The following UEVLD variants were observed in gnomAD, a reference collection of about 807,000 sequenced individuals.
The protein encoded by UEVLD is ubiquitin-conjugating enzyme E2 variant 3.
In UEVLD, 47 loss-of-function variants were observed where a neutral mutation model predicts 58.6. That is an observed-to-expected ratio of 0.80 (90% CI 0.63 to 1.02). The LOEUF (loss-of-function observed/expected upper bound fraction) is 1.02. Ranked by LOEUF, UEVLD falls within the 50% of genes least tolerant of loss-of-function variation. UEVLD has a pLI of 0.00. For missense variants in UEVLD, 510 were observed against 550.6 expected (o/e 0.93, Z 0.74); for synonymous variants, 197 against 195.3 (o/e 1.01, Z -0.07).
At chr11:18,544,882 AGT>A in intron 8 of UEVLD, 86 bp from the exon 9 acceptor site, 3 of 1,040,032 alleles carry the variant, frequency 2.9e-6, no homozygotes, top group Non-Finnish European at 3.9e-6. Flanking sequence ...TATTTTAATA[AGT>A]ATATTAGGTC....
intron 8 of UEVLD, among the ~76,000 whole-genome samples, 199 bp from the exon 9 acceptor site, chr11:18,544,995 T>C (rs113381173): frequency 5.3e-5 from 5 of 94,930 alleles, no homozygotes; most frequent in Non-Finnish European, 8.8e-5. Context: ...CATACACACA[T>C]ATATATACAC....
intron 1 of UEVLD, among the ~76,000 whole-genome samples, chr11:18,581,968 C>T (rs942496417): frequency 2.6e-4 from 39 of 152,134 alleles, no homozygotes; most frequent in South Asian, 4.2e-4. Flanking sequence ...TTAACTATAA[C>T]AGACTTGTTT....
At chr11:18,543,166 C>T (rs1356351853) in intron 9 of UEVLD, among the ~76,000 whole-genome samples, 7 of 152,160 alleles carry the variant, frequency 4.6e-5, no homozygotes, top group Non-Finnish European at 1.0e-4. Context: ...GCTGGGACTA[C>T]AGGCGTGAGC....
chr11:18,544,794 C>T lies in UEVLD; in HGVS notation c.889G>A (p.Glu297Lys). 6.6e-7 allele frequency: 1 copy of T among 1,520,340 alleles called. No individual in the cohort carries two copies. The highest frequency in any genetic ancestry group is 8.7e-7 in the Non-Finnish European group (1 of 1,143,788). 94.2% of individuals were successfully genotyped at this position (1,520,340 alleles called of 1,614,324 possible). The change falls in exon 9 of 12, where the codon GAA becomes AAA. Residue 297 changes from glutamate to lysine, a missense_variant and splice_region_variant. By Grantham distance (56) the Glu-to-Lys change is moderately conservative. Coordinates refer to ENST00000396197, the MANE Select transcript of UEVLD (RefSeq NM_001040697.4). ...SVLLVASQPVEIMTYVTWKLS... is the reference protein window; with the variant it reads ...SVLLVASQPVKIMTYVTWKLS... ...TTCCATGTTACATAGGTCATGATTTCCACTAAATATTGCATACAAGGTAAA... is the reference window on the plus strand; with the variant it reads ...TTCCATGTTACATAGGTCATGATTTTCACTAAATATTGCATACAAGGTAAA...
At chr11:18,581,978 T>C (rs1047182533) in intron 1 of UEVLD, among the ~76,000 whole-genome samples, 2 of 152,166 alleles carry the variant, frequency 1.3e-5, no homozygotes, top group African/African-American at 2.4e-5. Flanking sequence ...CAGACTTGTT[T>C]AGTCTGTTGG....
At chr11:18,564,740 T>G in intron 6 of UEVLD, 152 bp downstream of exon 6, 1 of 537,084 alleles carries the variant, frequency 1.9e-6, no homozygotes, top group Non-Finnish European at 3.3e-6. Flanking sequence ...TGATGAAAGC[T>G]TTCAACTTTT....
chr11:18,565,295 A>T (rs1412088252), intron 5 of UEVLD, among the ~76,000 whole-genome samples: 3 of 152,190 alleles, frequency 2.0e-5, no homozygotes, highest in African/African-American at 7.2e-5. Context: ...AATTCTGAAA[A>T]ATATTCCAAC....
At chr11:18,542,556 G>C (rs895681050) in intron 9 of UEVLD, among the ~76,000 whole-genome samples, 5 of 152,084 alleles carry the variant, frequency 3.3e-5, no homozygotes, top group Non-Finnish European at 5.9e-5. Context: ...CTAGTAGCCA[G>C]TGCAGATTTT....
intron 5 of UEVLD, among the ~76,000 whole-genome samples, chr11:18,565,756 T>C (rs1410060586): frequency 1.3e-5 from 2 of 150,866 alleles, no homozygotes; most frequent in Non-Finnish European, 3.0e-5. Flanking sequence ...GAGGCAGAGG[T>C]TGCATGAGCC....
intron 3 of UEVLD, chr11:18,570,620 C>G (rs1476720178): frequency 4.3e-6 from 1 of 231,632 alleles, no homozygotes; most frequent in Non-Finnish European, 8.4e-6. Flanking sequence ...GTGGCACACA[C>G]CTATAGTCCC....
At chr11:18,558,559 G>A (rs1027186536) in intron 6 of UEVLD, among the ~76,000 whole-genome samples, 4 of 152,016 alleles carry the variant, frequency 2.6e-5, no homozygotes, top group Non-Finnish European at 4.4e-5. Context: ...CAAGGCAGGC[G>A]GATCACCTGA....
At chr11:18,562,827 A>G (rs1033107456) in intron 6 of UEVLD, among the ~76,000 whole-genome samples, 1 of 151,800 alleles carries the variant, frequency 6.6e-6, no homozygotes, top group Non-Finnish European at 1.5e-5. Flanking sequence ...GCAGGAAGAT[A>G]GTCTGAACCA....
Position 18,544,620 on chromosome 11 carries a change from TA to T in UEVLD, c.1060+2del, listed in dbSNP as rs752267895. The T allele has an allele frequency of 1.3e-6, 2 of 1,586,326 alleles. No homozygotes were observed. Among genetic ancestry groups the T allele is most frequent in the East Asian group, 2.4e-5 (1 of 42,082 alleles). On this transcript the variant is annotated splice_donor_variant, in intron 9 of 11. Transcript: ENST00000396197. LOFTEE classifies it high-confidence loss of function. The stretch of plus-strand genomic sequence containing the variant: ...ACACCCAGCCTAAAAACGTACTTCT[TA>T]CCTTTGTCTTCTCCTTGCTCGCCAA...
At chr11:18,533,006 G>A (rs1479267990) in intron 11 of UEVLD, among the ~76,000 whole-genome samples, 2 of 151,338 alleles carry the variant, frequency 1.3e-5, no homozygotes, top group African/African-American at 4.9e-5. Flanking sequence ...TCATTTATTT[G>A]TGTTGAAAAC....
intron 4 of UEVLD, among the ~76,000 whole-genome samples, chr11:18,568,335 T>C (rs935527479): frequency 6.6e-6 from 1 of 152,204 alleles, no homozygotes; most frequent in Non-Finnish European, 1.5e-5. Context: ...GATACATGAA[T>C]TCCTGCAACA....
Position 18,566,481 on chromosome 11 carries a change from G to A in UEVLD, c.359C>T (p.Pro120Leu). The change falls in exon 5 of 12, where the codon CCT (proline) becomes CTT (leucine). Residue 120 changes from proline (P) to leucine (L), a missense_variant and splice_region_variant. Transcript: ENST00000396197. ...YLPYLQNWSH[P>L]KSVIVGLIKE... is the part of the protein sequence containing the mutation. ...AATTAATCCAACAATGACAGATTTA[G>A]GCTGTAGAATACACAAAAAACAGAA... 2 of 1,613,298 alleles carry A rather than the reference G, an allele frequency of 1.2e-6. No individual in the cohort carries two copies. Among genetic ancestry groups the A allele is most frequent in the Non-Finnish European group, 1.7e-6 (2 of 1,179,916 alleles).
At chr11:18,539,120 G>A (rs1278857514) in intron 9 of UEVLD, 1 of 146,466 alleles carries the variant, frequency 6.8e-6, no homozygotes, top group East Asian at 2.1e-4. Context: ...CTGTTGCCCA[G>A]GCTGGAGTGC....
intron 6 of UEVLD, among the ~76,000 whole-genome samples, chr11:18,563,015 C>A (rs1852119155): frequency 6.7e-6 from 1 of 149,888 alleles, no homozygotes; most frequent in Non-Finnish European, 1.5e-5. Context: ...CAGTGCATGC[C>A]AACTTGGGCT....
At chr11:18,567,761 T>C (rs1852370271) in intron 4 of UEVLD, among the ~76,000 whole-genome samples, 1 of 152,250 alleles carries the variant, frequency 6.6e-6, no homozygotes, top group Non-Finnish European at 1.5e-5. Flanking sequence ...AAAATTATGC[T>C]ACATAATTAT....
Sources: gnomAD v4.1 joint callset for allele counts (sites outside exome capture counted in the v4.1 genomes callset) on GRCh38, gnomAD v4.1.1 for gene constraint, MANE v1.5 for transcripts, NCBI Gene and HGNC (gene_info 2026-07-23, HGNC 2026-07-21) for gene names.